The following ALDH1A2 variants were observed in gnomAD, a reference collection of about 807,000 sequenced individuals.
ALDH1A2 encodes aldehyde dehydrogenase 1 family member A2.
In ALDH1A2, 27 loss-of-function variants were observed where a neutral mutation model predicts 60.3. That is an observed-to-expected ratio of 0.45 (90% CI 0.33 to 0.62). The LOEUF (loss-of-function observed/expected upper bound fraction) is 0.62. Ranked by LOEUF, ALDH1A2 falls within the 20% of genes least tolerant of loss-of-function variation. The pLI, the probability that ALDH1A2 is intolerant of heterozygous loss-of-function variation, is 0.02. For missense variants in ALDH1A2, 581 were observed against 643.8 expected, an observed-to-expected ratio of 0.90 and a Z score of 1.06; for synonymous variants, 289 against 232.4, an observed-to-expected ratio of 1.24 and a Z score of -2.21.
chr15:58,007,805 A>C (rs1334129097), intron 4 of ALDH1A2, among the ~76,000 whole-genome samples: 1 of 151,878 alleles, frequency 6.6e-6, no homozygotes, highest in Non-Finnish European at 1.5e-5. Context: ...GTGAAAAAAA[A>C]AAAAGCCAAG....
chr15:57,982,781 G>A (rs1397176191), intron 7 of ALDH1A2, among the ~76,000 whole-genome samples: 3 of 152,148 alleles, frequency 2.0e-5, no homozygotes, highest in Non-Finnish European at 2.9e-5. Flanking sequence ...GGAAATCACT[G>A]TTGAGGAAAG....
intron 1 of ALDH1A2, chr15:58,014,574 A>T: frequency 2.1e-6 from 1 of 481,610 alleles, no homozygotes; most frequent in African/African-American, 2.0e-5. Context: ...TCATACACTG[A>T]TGCTAAGGCA....
chr15:58,006,415 C>A (rs1477342626), intron 4 of ALDH1A2, among the ~76,000 whole-genome samples: 1 of 152,014 alleles, frequency 6.6e-6, no homozygotes, highest in Non-Finnish European at 1.5e-5. Flanking sequence ...CACTCGTTGG[C>A]TGACGTGCAG....
intron 7 of ALDH1A2, chr15:57,980,367 C>T (rs1894451418): frequency 2.6e-6 from 1 of 379,240 alleles, no homozygotes; most frequent in Non-Finnish European, 5.3e-6. Flanking sequence ...CTGACTACAG[C>T]CTTGATGAAG....
In ALDH1A2 at chr15:57,954,251, A is replaced by G. The variant is rs1278593694; in HGVS notation, c.*946T>C. ...GAAGGTACAGATTCCAACTACAGAA[A>G]TAATTCATTTAATAATAATTGTTGC... On this transcript the variant is annotated 3_prime_UTR_variant, in exon 13 of 13. Coordinates refer to ENST00000249750, the MANE Select transcript of ALDH1A2 (RefSeq NM_003888.4). 6 of 152,416 alleles carry G rather than the reference A, an allele frequency of 3.9e-5. No individual in the cohort carries two copies. Among genetic ancestry groups the G allele is most frequent in the Non-Finnish European group, 8.8e-5 (6 of 68,050 alleles). 9.4% of individuals were successfully genotyped at this position (152,416 alleles called of 1,614,324 possible).
chr15:58,055,466 T>C (rs1488188167), intron 1 of ALDH1A2, among the ~76,000 whole-genome samples: 1 of 152,040 alleles, frequency 6.6e-6, no homozygotes, highest in Non-Finnish European at 1.5e-5. Flanking sequence ...TAGTACAGTT[T>C]AGAAGTAGGG....
At chr15:57,958,315 C>A (rs553725500) in intron 12 of ALDH1A2, among the ~76,000 whole-genome samples, 549 of 152,332 alleles carry the variant, frequency 3.6e-3, no homozygotes, top group African/African-American at 0.013. Context: ...CTGAGGTTCA[C>A]AGAATTCTTT....
At chr15:57,964,203 T>C (rs751058082) in intron 8 of ALDH1A2, 134 bp from the exon 9 acceptor site, 7 of 896,912 alleles carry the variant, frequency 7.8e-6, no homozygotes, top group East Asian at 5.3e-5. Context: ...TAGCCCTGGA[T>C]TGGGAATGCA....
chr15:58,036,660 A>G (rs2140550077), intron 1 of ALDH1A2: 1 of 151,730 alleles, frequency 6.6e-6, no homozygotes, highest in East Asian at 1.9e-4. Context: ...TGAGCATGAA[A>G]TTGTAAGTAC....
intron 1 of ALDH1A2, among the ~76,000 whole-genome samples, chr15:58,016,893 T>C (rs1191601041): frequency 6.6e-6 from 1 of 152,194 alleles, no homozygotes; most frequent in Non-Finnish European, 1.5e-5. Flanking sequence ...CTTTGCCATA[T>C]TCTTTTCAGC....
chr15:57,966,880 C>G (rs1596069063), intron 7 of ALDH1A2, among the ~76,000 whole-genome samples: 1 of 152,194 alleles, frequency 6.6e-6, no homozygotes, highest in Non-Finnish European at 1.5e-5. Context: ...GGGAACCTAA[C>G]CTACAACAGG....
At chr15:57,970,017 AG>A (rs1278124776) in intron 7 of ALDH1A2, among the ~76,000 whole-genome samples, 1 of 152,234 alleles carries the variant, frequency 6.6e-6, no homozygotes, top group African/African-American at 2.4e-5. Context: ...GCACAGGCCA[AG>A]CAACAAATCT....
chr15:58,034,801 T>G (rs1896333989), intron 1 of ALDH1A2, among the ~76,000 whole-genome samples: 1 of 151,826 alleles, frequency 6.6e-6, no homozygotes, highest in African/African-American at 2.4e-5. Flanking sequence ...CAAATCAGCC[T>G]TGTATGCCTG....
At chr15:57,989,999 CAAAAAAAAAAAAA>C (rs1229267241) in intron 7 of ALDH1A2, among the ~76,000 whole-genome samples, 3 of 25,432 alleles carry the variant, frequency 1.2e-4, no homozygotes, top group Admixed American at 1.1e-3. Context: ...GACTCCGTCT[CAAAAAAAAAAAAA>C]AAAAAAAAAT....
At chr15:58,062,970 AGGCAGTAAC>A (rs1897081672) in intron 1 of ALDH1A2, among the ~76,000 whole-genome samples, 3 of 152,334 alleles carry the variant, frequency 2.0e-5, no homozygotes, top group African/African-American at 7.2e-5. Flanking sequence ...TAGCAGGCAA[AGGCAGTAAC>A]TTTTAATTCT....
chr15:57,963,705 G>C (rs1419674178), intron 9 of ALDH1A2, among the ~76,000 whole-genome samples, 180 bp downstream of exon 9: 2 of 152,192 alleles, frequency 1.3e-5, no homozygotes, highest in African/African-American at 2.4e-5. Flanking sequence ...GAAAGGGACA[G>C]AGAAGCATAA....
chr15:57,989,605 C>T (rs12591551), intron 7 of ALDH1A2, among the ~76,000 whole-genome samples: 2 of 151,870 alleles, frequency 1.3e-5, no homozygotes, highest in African/African-American at 4.8e-5. Context: ...TAGTTTGGTG[C>T]AAAAGTCATT....
At chr15:58,061,376 T>C (rs1595699350) in intron 1 of ALDH1A2, among the ~76,000 whole-genome samples, 1 of 151,586 alleles carries the variant, frequency 6.6e-6, no homozygotes, top group African/African-American at 2.4e-5. Flanking sequence ...AGGATCTAGA[T>C]CCACACCTAT....
intron 9 of ALDH1A2, 132 bp downstream of exon 9, chr15:57,963,753 C>T (rs560197960): frequency 3.2e-5 from 29 of 907,132 alleles, no homozygotes; most frequent in African/African-American, 2.5e-4. Flanking sequence ...TTTCCAGCCA[C>T]GAAGACATGG....
Sources: gnomAD v4.1 joint callset for allele counts (sites outside exome capture counted in the v4.1 genomes callset) on GRCh38, gnomAD v4.1.1 for gene constraint, MANE v1.5 for transcripts, NCBI Gene and HGNC (gene_info 2026-07-23, HGNC 2026-07-21) for gene names.